ADAMTSL1: variants seen among roughly 807,000 people sequenced by gnomAD.
The protein encoded by ADAMTSL1 is ADAMTS like 1.
In ADAMTSL1, 126 loss-of-function variants were observed where a neutral mutation model predicts 201.8. The observed-to-expected ratio is 0.62, with a 90% CI of 0.54 to 0.72. The LOEUF is 0.72. Ranked by LOEUF, ADAMTSL1 falls within the 30% of genes least tolerant of loss-of-function variation. The pLI, the probability that ADAMTSL1 is intolerant of heterozygous loss-of-function variation, is 0.00. For missense variants in ADAMTSL1, 2,679 were observed against 2,277.8 expected (o/e 1.18, Z -3.59); for synonymous variants, 1,121 against 903.4 (o/e 1.24, Z -4.32).
rs138680810 is a variant in ADAMTSL1, at chr9:18,032,615, A to G, written c.87+125693A>G. ...GCAGGGGCTGCAGCCAGTCAGCAACATGGAGAGTCTTGGAAGAGGGATAGT... is the reference window on the plus strand; with the variant it reads ...GCAGGGGCTGCAGCCAGTCAGCAACGTGGAGAGTCTTGGAAGAGGGATAGT... On this transcript the variant is annotated intron_variant, in intron 1 of 29. Coordinates refer to the ADAMTSL1 transcript ENST00000680146. Among the ~76,000 whole-genome samples, 462 of 152,226 alleles carry G rather than the reference A, an allele frequency of 3.0e-3. 2 individuals are homozygous for G. The highest frequency in any genetic ancestry group is 0.011 in the African/African-American group (441 of 41,558).
intron 1 of ADAMTSL1, among the ~76,000 whole-genome samples, chr9:18,054,203 G>C (rs1822068104): frequency 6.6e-6 from 1 of 152,150 alleles, no homozygotes; most frequent in Non-Finnish European, 1.5e-5. Flanking sequence ...TATAAACACA[G>C]ACATACATTG....
At chr9:18,274,699 C>A (rs1194647125) in intron 2 of ADAMTSL1, among the ~76,000 whole-genome samples, 1 of 152,000 alleles carries the variant, frequency 6.6e-6, no homozygotes, top group Non-Finnish European at 1.5e-5. Context: ...CTTTTTCTAG[C>A]ATTAAGACTA....
At chr9:18,286,065 C>G (rs1030022206) in intron 2 of ADAMTSL1, among the ~76,000 whole-genome samples, 1 of 151,996 alleles carries the variant, frequency 6.6e-6, no homozygotes, top group African/African-American at 2.4e-5. Context: ...GGATTTACAC[C>G]TGTATTTGTT....
intron 1 of ADAMTSL1, among the ~76,000 whole-genome samples, chr9:18,133,218 T>G (rs551475635): frequency 6.6e-6 from 1 of 152,122 alleles, no homozygotes; most frequent in South Asian, 2.1e-4. Flanking sequence ...AGGATTAGAG[T>G]TGGGATCAGA....
At chr9:18,292,232 G>A (rs1480430295) in intron 2 of ADAMTSL1, among the ~76,000 whole-genome samples, 2 of 152,092 alleles carry the variant, frequency 1.3e-5, no homozygotes, top group African/African-American at 2.4e-5. Context: ...CGTTAATTTA[G>A]AAGTTCATAC....
intron 4 of ADAMTSL1, among the ~76,000 whole-genome samples, chr9:18,608,601 C>T (rs771788044): frequency 5.3e-5 from 8 of 152,134 alleles, no homozygotes; most frequent in Non-Finnish European, 8.8e-5. Flanking sequence ...TGCAGTGATT[C>T]AGCAAAATGT....
At chr9:18,266,910 C>T (rs996999869) in intron 2 of ADAMTSL1, among the ~76,000 whole-genome samples, 4 of 152,240 alleles carry the variant, frequency 2.6e-5, no homozygotes, top group East Asian at 1.9e-4. Context: ...AATAACTTCT[C>T]GAGTCCTTCC....
At position 18,584,367 on chromosome 9, in the gene ADAMTSL1, GC is replaced by G. The variant is rs112790269; in HGVS notation, c.474+10109del. On this transcript the variant is annotated intron_variant, in intron 4 of 28. Coordinates refer to ENST00000380548, the MANE Select transcript of ADAMTSL1 (RefSeq NM_001040272.6). Reference sequence around the variant, plus strand: ...TGTCACCTTCTGCCATGATTGTGAGGCCCCCCCCAGCCACATGGAACTGTAA... The same window carrying G: ...TGTCACCTTCTGCCATGATTGTGAGGCCCCCCCAGCCACATGGAACTGTAA... Among the ~76,000 whole-genome samples, 115 of 151,664 alleles carry G rather than the reference GC, an allele frequency of 7.6e-4. 1 individual carries two copies. The highest frequency in any genetic ancestry group is 2.6e-3 in the African/African-American group (107 of 41,332).
chr9:18,809,458 C>T (rs1799140564), intron 20 of ADAMTSL1, among the ~76,000 whole-genome samples: 1 of 152,056 alleles, frequency 6.6e-6, no homozygotes, highest in Admixed American at 6.6e-5. Flanking sequence ...GTGATATAGA[C>T]CACTGGGTCT....
Position 18,016,614 on chromosome 9 carries a change from A to C in ADAMTSL1, c.87+109692A>C, listed in dbSNP as rs533708322. On this transcript the variant is annotated intron_variant, in intron 1 of 29. Transcript: ENST00000680146. ...CTGTGCACATAGTGAATAATTATAAAATGGAATACAAATTATGAGATAAAA... is the reference window on the plus strand; with the variant it reads ...CTGTGCACATAGTGAATAATTATAACATGGAATACAAATTATGAGATAAAA... Among the ~76,000 whole-genome samples, 22 of 152,164 alleles carry C rather than the reference A, an allele frequency of 1.4e-4. No homozygotes were observed. The East Asian group carries it at 4.1e-3, about 28-fold the overall frequency.
intron 2 of ADAMTSL1, among the ~76,000 whole-genome samples, chr9:18,440,236 C>T (rs75771277): frequency 0.023 from 3,473 of 152,206 alleles, 107 homozygotes; most frequent in African/African-American, 0.068. Context: ...GAAACACACA[C>T]TAGAACCAGA....
chr9:18,172,395 C>T (rs10963496), intron 2 of ADAMTSL1, among the ~76,000 whole-genome samples: 15,308 of 152,084 alleles, frequency 0.1, 988 homozygotes, highest in South Asian at 0.21. Context: ...CAGCCTTACT[C>T]ATCATAAGGG....
In ADAMTSL1 at chr9:18,149,977, A is replaced by G. The variant is rs771612386; in HGVS notation, c.88-13885A>G. 8.2e-4 allele frequency among the ~76,000 whole-genome samples: 124 copies of G among 152,092 alleles called. 1 individual carries two copies. The highest frequency in any genetic ancestry group is 1.3e-3 in the Non-Finnish European group (89 of 68,010). The stretch of plus-strand genomic sequence containing the variant: ...CTGGGAGGATGTGGTACCAGTATGG[A>G]CAGAGTTTGTAGAAGCAAGAACACA... On this transcript the variant is annotated intron_variant, in intron 1 of 29. Transcript: ENST00000680146.
chr9:18,257,847 A>T (rs146325697), intron 2 of ADAMTSL1, among the ~76,000 whole-genome samples: 9 of 152,380 alleles, frequency 5.9e-5, no homozygotes, highest in Admixed American at 3.9e-4. Context: ...GAATCTTACA[A>T]ATATGCTAGG....
At chr9:18,110,668 C>G (rs1195238649) in intron 1 of ADAMTSL1, among the ~76,000 whole-genome samples, 3 of 152,156 alleles carry the variant, frequency 2.0e-5, no homozygotes, top group African/African-American at 7.2e-5. Flanking sequence ...AGCTGTTGCT[C>G]AGGCATGGAG....
chr9:18,810,357 G>C (rs889786910), intron 20 of ADAMTSL1, among the ~76,000 whole-genome samples: 4 of 152,178 alleles, frequency 2.6e-5, no homozygotes, highest in Non-Finnish European at 5.9e-5. Flanking sequence ...CCTATGCCTA[G>C]AAGGCAAATA....
intron 1 of ADAMTSL1, among the ~76,000 whole-genome samples, chr9:18,481,222 T>C (rs1821712857): frequency 6.6e-6 from 1 of 152,180 alleles, no homozygotes; most frequent in East Asian, 1.9e-4. Flanking sequence ...AACACATTTT[T>C]CTTGGAGGTG....
chr9:18,027,352 A>T (rs537824098), intron 1 of ADAMTSL1, among the ~76,000 whole-genome samples: 1 of 151,740 alleles, frequency 6.6e-6, no homozygotes, highest in Non-Finnish European at 1.5e-5. Context: ...GGTATTTAGA[A>T]CTATAAACTT....
At chr9:18,742,698 A>C (rs1400612847) in intron 15 of ADAMTSL1, among the ~76,000 whole-genome samples, 1 of 152,186 alleles carries the variant, frequency 6.6e-6, no homozygotes, top group Non-Finnish European at 1.5e-5. Context: ...TGGGAAGCCA[A>C]CAAGTGGCTG....
Sources: allele counts gnomAD v4.1 joint callset (sites outside exome capture counted in the v4.1 genomes callset), GRCh38; gene constraint gnomAD v4.1.1; transcripts MANE v1.5; gene names NCBI Gene and HGNC (gene_info 2026-07-23, HGNC 2026-07-21).